BMPR1B: variants seen among roughly 807,000 people sequenced by gnomAD.
BMPR1B encodes bone morphogenetic protein receptor type 1B, also known as bone morphogenetic protein receptor type-1B.
A neutral mutation model predicts 59.1 loss-of-function variants in BMPR1B; 12 were observed. The observed-to-expected ratio is 0.20, with a 90% CI of 0.13 to 0.33. The LOEUF (loss-of-function observed/expected upper bound fraction) is 0.33. Among genes scored for constraint, BMPR1B ranks in the 10% least tolerant of loss-of-function variants. The pLI is 1.00. For synonymous variants in BMPR1B, 237 were observed against 207.3 expected, an observed-to-expected ratio of 1.14 and a Z score of -1.23; for missense variants, 550 against 610.9, an observed-to-expected ratio of 0.90 and a Z score of 1.05.
At position 94,964,759 on chromosome 4, in the gene BMPR1B, C is replaced by G. The variant is rs1052782267; in HGVS notation, c.-112-31281C>G. Among the ~76,000 whole-genome samples the G allele has an allele frequency of 3.3e-5, 5 of 152,142 alleles. No homozygotes were observed. In the South Asian group the frequency reaches 1.0e-3, roughly 31 times the overall value. On this transcript the variant is annotated intron_variant, in intron 2 of 12. Coordinates refer to ENST00000515059, the MANE Select transcript of BMPR1B (RefSeq NM_001203.3). ...AGCAGTGTTTTTCATCAGGCCCTGC[C>G]TGTAGCTGTGGGAAAACCATTTAAC...
intron 9 of BMPR1B, among the ~76,000 whole-genome samples, chr4:95,130,596 C>T (rs1179894061): frequency 2.6e-5 from 4 of 151,806 alleles, no homozygotes; most frequent in Admixed American, 2.6e-4. Context: ...GTTTATATAC[C>T]ATAGTAGTTT....
chr4:94,888,057 A>G (rs765663322), intron 2 of BMPR1B, among the ~76,000 whole-genome samples: 107 of 152,150 alleles, frequency 7.0e-4, no homozygotes, highest in Admixed American at 4.2e-3. Flanking sequence ...AATATTCAAT[A>G]CAAGGAAACA....
At chr4:94,842,053 C>T (rs968535344) in intron 1 of BMPR1B, among the ~76,000 whole-genome samples, 2 of 152,138 alleles carry the variant, frequency 1.3e-5, no homozygotes, top group African/African-American at 4.8e-5. Context: ...AGTTCCGTTA[C>T]AGTACAGATG....
At chr4:95,031,046 A>G (rs559924922) in intron 3 of BMPR1B, among the ~76,000 whole-genome samples, 11 of 152,024 alleles carry the variant, frequency 7.2e-5, no homozygotes, top group South Asian at 2.1e-4. Flanking sequence ...GAACCAAAAA[A>G]GAGCCCGCAT....
chr4:94,938,253 T>G (rs1392786228), intron 2 of BMPR1B, among the ~76,000 whole-genome samples: 1 of 152,108 alleles, frequency 6.6e-6, no homozygotes, highest in African/African-American at 2.4e-5. Context: ...TAAGAAGTGC[T>G]TGGGAGTCTG....
intron 1 of BMPR1B, among the ~76,000 whole-genome samples, chr4:94,759,747 A>C (rs573454712): frequency 2.6e-5 from 4 of 152,370 alleles, no homozygotes; most frequent in African/African-American, 9.6e-5. Context: ...GAAAACTTTC[A>C]TTATAAGGAT....
chr4:95,058,014 G>T (rs1015384870), intron 3 of BMPR1B, among the ~76,000 whole-genome samples: 7 of 152,182 alleles, frequency 4.6e-5, no homozygotes, highest in African/African-American at 1.7e-4. Context: ...AGAAATTCGG[G>T]ATGTCAACGT....
At chr4:95,077,956 A>G (rs985615147) in intron 3 of BMPR1B, among the ~76,000 whole-genome samples, 4 of 152,238 alleles carry the variant, frequency 2.6e-5, no homozygotes, top group Admixed American at 6.5e-5. Context: ...GCATCTATGT[A>G]GCACTTGGAA....
intron 2 of BMPR1B, among the ~76,000 whole-genome samples, chr4:94,925,706 G>A (rs1728859158): frequency 1.3e-5 from 2 of 152,146 alleles, no homozygotes; most frequent in African/African-American, 4.8e-5. Flanking sequence ...GTACCGGAGA[G>A]ATTTTAATGG....
intron 3 of BMPR1B, among the ~76,000 whole-genome samples, chr4:95,006,525 A>G (rs1722846552): frequency 6.6e-6 from 1 of 150,986 alleles, no homozygotes; most frequent in South Asian, 2.1e-4. Flanking sequence ...GGGAGATAAG[A>G]AATCAAATAC....
intron 2 of BMPR1B, among the ~76,000 whole-genome samples, chr4:94,905,914 CTTTT>C (rs34853734): frequency 1.4e-4 from 19 of 137,842 alleles, no homozygotes; most frequent in African/African-American, 3.4e-4. Context: ...TTTGTTTATT[CTTTT>C]TTTTTTTTTT....
intron 3 of BMPR1B, among the ~76,000 whole-genome samples, chr4:94,999,741 A>G (rs1297334069): frequency 6.6e-6 from 1 of 152,164 alleles, no homozygotes; most frequent in Non-Finnish European, 1.5e-5. Context: ...GGAGAATTGC[A>G]GAATGAAATT....
At chr4:94,810,010 G>T (rs992001097) in intron 1 of BMPR1B, among the ~76,000 whole-genome samples, 4 of 152,110 alleles carry the variant, frequency 2.6e-5, no homozygotes, top group African/African-American at 9.7e-5. Context: ...TGAATTTACA[G>T]TTTTTTTGAC....
chr4:95,130,751 G>C (rs958879811), intron 9 of BMPR1B, among the ~76,000 whole-genome samples: 1 of 73,378 alleles, frequency 1.4e-5, no homozygotes, highest in African/African-American at 5.5e-5. Context: ...TTTTTTTTGA[G>C]ATAAAGTCTC....
At chr4:94,794,420 A>G (rs2110608979) in intron 1 of BMPR1B, among the ~76,000 whole-genome samples, 1 of 150,664 alleles carries the variant, frequency 6.6e-6, no homozygotes, top group Non-Finnish European at 1.5e-5. Flanking sequence ...TGGTAACTGT[A>G]GCCTTGTAGT....
At chr4:94,918,076 A>G (rs1481712587) in intron 2 of BMPR1B, among the ~76,000 whole-genome samples, 2 of 152,142 alleles carry the variant, frequency 1.3e-5, no homozygotes, top group Non-Finnish European at 2.9e-5. Flanking sequence ...AGCCTTTCAG[A>G]TGCCAGAGCA....
intron 3 of BMPR1B, among the ~76,000 whole-genome samples, chr4:95,087,693 C>T (rs1471048748): frequency 6.6e-6 from 1 of 152,048 alleles, no homozygotes; most frequent in East Asian, 1.9e-4. Context: ...GATTGTGTCA[C>T]TGTACTCTAA....
rs565598053 is a variant in BMPR1B, at chr4:94,976,497, C to T, written c.-112-19543C>T. 2.0e-5 allele frequency among the ~76,000 whole-genome samples: 3 copies of T among 152,280 alleles called. No homozygotes were observed. In the South Asian group the frequency reaches 6.2e-4, roughly 32 times the overall value. The stretch of plus-strand genomic sequence containing the variant: ...CACAACCACTTATATAGCTCTCCTA[C>T]ATGCAAAATACACTCATTTCTGCCC... On this transcript the variant is annotated intron_variant, in intron 2 of 12. Coordinates refer to ENST00000515059, the MANE Select transcript of BMPR1B (RefSeq NM_001203.3).
In BMPR1B at chr4:94,775,755, G is replaced by A. The variant is rs148761619; in HGVS notation, c.-183+17687G>A. ...ACCGTGATCCAGTTTGGATTTGAAA[G>A]TAGATAGACATCTGTTTCAAATATT... On this transcript the variant is annotated intron_variant, in intron 1 of 12. Transcript: ENST00000515059. Among the ~76,000 whole-genome samples, 13 of 152,322 alleles carry A rather than the reference G, an allele frequency of 8.5e-5. No individual in the cohort carries two copies. The East Asian group carries it at 1.9e-3, about 23-fold the overall frequency.
Sources: gnomAD v4.1 joint callset for allele counts (sites outside exome capture counted in the v4.1 genomes callset) on GRCh38, gnomAD v4.1.1 for gene constraint, MANE v1.5 for transcripts, NCBI Gene and HGNC (gene_info 2026-07-23, HGNC 2026-07-21) for gene names.